GALNT2: variants seen among roughly 807,000 people sequenced by gnomAD.
GALNT2 encodes UDP-GalNAc:polypeptide N-acetylgalactosaminyltransferase 2.
GALNT2 carries 31 observed loss-of-function variants against 81.4 expected under a neutral mutation model. That is an observed-to-expected ratio of 0.38 (90% CI 0.29 to 0.51). GALNT2 has a LOEUF of 0.51. GALNT2 is among the 20% of genes least tolerant of loss of function. The pLI is 0.87. For missense variants in GALNT2, 629 were observed against 765.7 expected (o/e 0.82, Z 2.11); for synonymous variants, 303 against 287.4 (o/e 1.05, Z -0.55).
intron 1 of GALNT2, among the ~76,000 whole-genome samples, chr1:230,083,302 CAGGATGATGGAGTGGGGAGCG>C (rs1323077117): frequency 7.4e-6 from 1 of 134,370 alleles, no homozygotes; most frequent in Non-Finnish European, 1.6e-5. Context: ...AGCAGGCAGC[CAGGATGATGGAGTGGGGAGCG>C]AGGATGATGG....
chr1:230,110,958 A>T (rs1307337695), intron 1 of GALNT2, among the ~76,000 whole-genome samples: 1 of 152,210 alleles, frequency 6.6e-6, no homozygotes, highest in East Asian at 1.9e-4. Flanking sequence ...AGAAGCTGAT[A>T]AAGTAATTAG....
Position 230,193,157 on chromosome 1 carries a change from G to A in GALNT2, c.221-9980G>A, listed in dbSNP as rs375029839. Among the ~76,000 whole-genome samples, 72 of 152,234 alleles carry A rather than the reference G, an allele frequency of 4.7e-4. No individual in the cohort carries two copies. In the South Asian group the frequency reaches 0.011, roughly 24 times the overall value. ...TTTCCCAGCGGTTGCTCTGTTTTAC[G>A]TGGGGTAGCTTTAGATTTGTTTAAG... is the stretch of plus-strand genomic sequence containing the variant. On this transcript the variant is annotated intron_variant, in intron 2 of 15. Transcript: ENST00000366672. The surrounding 1 kb of genome is among the most constrained non-coding windows in gnomAD (Gnocchi z 4.3).
At chr1:230,189,658 C>T (rs566491659) in intron 2 of GALNT2, among the ~76,000 whole-genome samples, 220 of 152,270 alleles carry the variant, frequency 1.4e-3, no homozygotes, top group African/African-American at 4.9e-3. Context: ...GTAAAAGATG[C>T]GTAACACTAA....
chr1:230,265,462 C>A, intron 14 of GALNT2, 95 bp downstream of exon 14: 1 of 1,545,960 alleles, frequency 6.5e-7, no homozygotes, highest in Middle Eastern at 2.1e-4. Context: ...CACCTTTCTC[C>A]TGGGATGGGT....
intron 1 of GALNT2, among the ~76,000 whole-genome samples, chr1:230,161,903 A>G (rs1247225446): frequency 1.3e-5 from 2 of 152,172 alleles, no homozygotes; most frequent in Admixed American, 1.3e-4. Context: ...TTACTTGGTC[A>G]TTTCTGCAAC....
In GALNT2 at chr1:230,178,316, T is replaced by A; in HGVS notation, c.220+5T>A. ...GCATGGAGACCCTCCCTCCAGGTAC[T>A]GCCAGGGGCCAGGAAGCCATCTTGC... On this transcript the variant is annotated splice_donor_5th_base_variant and intron_variant, in intron 2 of 15. Transcript: ENST00000366672. 6.2e-7 allele frequency: 1 copy of A among 1,610,292 alleles called. No individual in the cohort carries two copies. Among genetic ancestry groups the A allele is most frequent in the Non-Finnish European group, 8.5e-7 (1 of 1,176,916 alleles).
intron 1 of GALNT2, among the ~76,000 whole-genome samples, chr1:230,144,811 A>G (rs2102828446): frequency 6.6e-6 from 1 of 152,310 alleles, no homozygotes; most frequent in East Asian, 1.9e-4. Context: ...TTGAAGAGCA[A>G]CTATAAAGTA....
At chr1:230,144,675 G>T (rs1034979260) in intron 1 of GALNT2, among the ~76,000 whole-genome samples, 1 of 152,120 alleles carries the variant, frequency 6.6e-6, no homozygotes, top group African/African-American at 2.4e-5. Flanking sequence ...AGGGGTGGTA[G>T]TGGTGTGTTT....
intron 1 of GALNT2, among the ~76,000 whole-genome samples, chr1:230,167,954 C>T (rs975593859): frequency 3.2e-5 from 3 of 92,316 alleles, no homozygotes; most frequent in Admixed American, 1.3e-4. Flanking sequence ...AAATAATTTT[C>T]TAAAATACCC....
intron 1 of GALNT2, among the ~76,000 whole-genome samples, chr1:230,059,972 G>A (rs1659006353): frequency 6.6e-6 from 1 of 152,142 alleles, no homozygotes; most frequent in African/African-American, 2.4e-5. Flanking sequence ...TTACCATAGT[G>A]TACCATGGTA....
At chr1:230,157,238 C>T (rs752146289) in intron 1 of GALNT2, among the ~76,000 whole-genome samples, 6 of 152,132 alleles carry the variant, frequency 3.9e-5, no homozygotes, top group South Asian at 2.1e-4. Context: ...TGATACCTGG[C>T]GTGTCGTAAG....
chr1:230,119,244 T>C (rs1660938903), intron 1 of GALNT2, among the ~76,000 whole-genome samples: 1 of 152,188 alleles, frequency 6.6e-6, no homozygotes, highest in Admixed American at 6.5e-5. Flanking sequence ...TTTTGGTCAT[T>C]TCATTGACTT....
At chr1:230,146,688 G>C (rs1661925937) in intron 1 of GALNT2, among the ~76,000 whole-genome samples, 1 of 152,218 alleles carries the variant, frequency 6.6e-6, no homozygotes, top group African/African-American at 2.4e-5. Context: ...AACGGCATTG[G>C]GACTAACCTG....
chr1:230,246,179 A>G (rs1292791928), intron 8 of GALNT2, 29 bp downstream of exon 8: 1 of 1,531,274 alleles, frequency 6.5e-7, no homozygotes, highest in Non-Finnish European at 9.1e-7. Flanking sequence ...GCCCCTGCCT[A>G]GCTCGTCCCG....
intron 1 of GALNT2, among the ~76,000 whole-genome samples, chr1:230,151,486 CT>C (rs1449861475): frequency 6.6e-6 from 1 of 152,204 alleles, no homozygotes; most frequent in Non-Finnish European, 1.5e-5. Context: ...GTAAACAGTG[CT>C]GTTTCCTGAA....
At chr1:230,176,360 C>T (rs1168393433) in intron 1 of GALNT2, among the ~76,000 whole-genome samples, 2 of 152,136 alleles carry the variant, frequency 1.3e-5, no homozygotes, top group East Asian at 3.8e-4. Context: ...TTTATTTTTA[C>T]ATGTAGAAAA....
At chr1:230,202,950 C>T (rs1412180200) in intron 2 of GALNT2, among the ~76,000 whole-genome samples, 187 bp from the exon 3 acceptor site, 1 of 152,164 alleles carries the variant, frequency 6.6e-6, no homozygotes, top group African/African-American at 2.4e-5. Flanking sequence ...CCTGCAGTTT[C>T]CTATTCTCTG....
At chr1:230,165,789 G>A (rs1662582651) in intron 1 of GALNT2, among the ~76,000 whole-genome samples, 1 of 152,248 alleles carries the variant, frequency 6.6e-6, no homozygotes, top group African/African-American at 2.4e-5. Context: ...CGAGAGGGAG[G>A]GAGGCCCTCG....
At chr1:230,171,204 G>A (rs1662780250) in intron 1 of GALNT2, among the ~76,000 whole-genome samples, 1 of 152,230 alleles carries the variant, frequency 6.6e-6, no homozygotes, top group Non-Finnish European at 1.5e-5. Context: ...CTTGATCAGG[G>A]GAGGTCTTGG....
Sources: gnomAD v4.1 joint callset for allele counts (sites outside exome capture counted in the v4.1 genomes callset) on GRCh38, gnomAD v4.1.1 for gene constraint, Gnocchi (gnomAD v3.1) non-coding constraint, MANE v1.5 for transcripts, NCBI Gene and HGNC (gene_info 2026-07-23, HGNC 2026-07-21) for gene names.